GAS7: variants seen among roughly 807,000 people sequenced by gnomAD.
GAS7 encodes the protein growth arrest specific 7.
A neutral mutation model predicts 71.1 loss-of-function variants in GAS7; 28 were observed. That is an observed-to-expected ratio of 0.39 (90% CI 0.29 to 0.54). The LOEUF is 0.54. Ranked by LOEUF, GAS7 falls within the 20% of genes least tolerant of loss-of-function variation. GAS7 has a pLI of 0.62. For missense variants in GAS7, 436 were observed against 627.8 expected (o/e 0.69, Z 3.27); for synonymous variants, 258 against 245.8 (o/e 1.05, Z -0.46).
chr17:10,108,559 C>T (rs7222434), intron 1 of GAS7, among the ~76,000 whole-genome samples: 2 of 152,020 alleles, frequency 1.3e-5, no homozygotes, highest in Non-Finnish European at 2.9e-5. Flanking sequence ...GAGGATCTGT[C>T]TTTGTATTTA....
chr17:10,049,949 C>CT (rs1567569130), intron 1 of GAS7, among the ~76,000 whole-genome samples: 3 of 152,140 alleles, frequency 2.0e-5, no homozygotes, highest in Non-Finnish European at 4.4e-5. Context: ...AGCAAATCAT[C>CT]ATATACAATC....
intron 1 of GAS7, among the ~76,000 whole-genome samples, chr17:10,188,010 G>A (rs536390545): frequency 3.9e-5 from 6 of 152,202 alleles, no homozygotes; most frequent in South Asian, 2.1e-4. Context: ...TTGGGAGGCC[G>A]AGGCAGGTGG....
rs569658885 is a variant in GAS7 at position 9,929,045 on chromosome 17, G to A, written c.886-2276C>T. Among the ~76,000 whole-genome samples the A allele has an allele frequency of 7.4e-4, 113 of 152,254 alleles. 1 individual carries two copies. Among genetic ancestry groups the A allele is most frequent in the African/African-American group, 2.7e-3 (111 of 41,548 alleles). The stretch of plus-strand genomic sequence containing the variant: ...CCTGTATAGGAAAACATCCCCACCT[G>A]GCGGCAGTTTGCAGGATGCTACAAA... On this transcript the variant is annotated intron_variant, in intron 9 of 13. Coordinates refer to ENST00000432992, the MANE Select transcript of GAS7 (RefSeq NM_201433.2).
At chr17:10,168,248 C>CA (rs911692250) in intron 1 of GAS7, among the ~76,000 whole-genome samples, 126 of 147,238 alleles carry the variant, frequency 8.6e-4, no homozygotes, top group Middle Eastern at 3.4e-3. Flanking sequence ...TATGTGCTAA[C>CA]AAAAAAAAAT....
rs61511037 is a variant in GAS7 at position 9,994,375 on chromosome 17, C to T, written c.305-12491G>A. 8.4e-3 allele frequency among the ~76,000 whole-genome samples: 1,205 copies of T among 143,660 alleles called. 26 individuals carry two copies. Among genetic ancestry groups the T allele is most frequent in the African/African-American group, 0.029 (1,116 of 38,036 alleles). 94.2% of individuals were successfully genotyped at this position (143,660 alleles called of 152,430 possible). A position where few individuals can be genotyped will look rare whatever the true frequency, so the allele number is the denominator to read the frequency against. On this transcript the variant is annotated intron_variant, in intron 2 of 13. Transcript: ENST00000432992. ...AGAACAGAGCCCTCAGAAATAACGC[C>T]GCATATCTACAACTACCTGATCTTT...
intron 1 of GAS7, among the ~76,000 whole-genome samples, chr17:10,025,224 A>G (rs989600008): frequency 1.6e-4 from 25 of 151,866 alleles, no homozygotes; most frequent in Non-Finnish European, 7.4e-5. Context: ...GCAATGGAGC[A>G]AGACCCCATC....
At chr17:9,962,861 C>T (rs4791918) in intron 4 of GAS7, among the ~76,000 whole-genome samples, 18,490 of 151,970 alleles carry the variant, frequency 0.12, 3,104 homozygotes, top group African/African-American at 0.37. Flanking sequence ...AGTAGGGTGC[C>T]AACCTGGGTG....
intron 4 of GAS7, among the ~76,000 whole-genome samples, chr17:9,966,473 C>G (rs140855613): frequency 6.6e-6 from 1 of 152,250 alleles, no homozygotes; most frequent in Non-Finnish European, 1.5e-5. Context: ...CTCAAGTGTT[C>G]CTTTGCTCAT....
At chr17:10,049,951 T>G (rs537850089) in intron 1 of GAS7, among the ~76,000 whole-genome samples, 2 of 152,304 alleles carry the variant, frequency 1.3e-5, no homozygotes, top group South Asian at 4.1e-4. Context: ...CAAATCATCA[T>G]ATACAATCCT....
Position 10,136,649 on chromosome 17 carries a change from A to G in GAS7, c.183+61559T>C, listed in dbSNP as rs568402283. On this transcript the variant is annotated intron_variant, in intron 1 of 13. Coordinates refer to ENST00000432992, the MANE Select transcript of GAS7 (RefSeq NM_201433.2). ...CCCTCGCATCTGTCCGTCTGCCTCA[A>G]TTTAAAACCAGCTTCAACCTATTCT... is the stretch of plus-strand genomic sequence containing the variant. Among the ~76,000 whole-genome samples, 5 of 152,242 alleles carry G rather than the reference A, an allele frequency of 3.3e-5. No homozygotes were observed. The East Asian group carries it at 7.7e-4, about 24-fold the overall frequency.
rs552148181 is a variant in GAS7 at position 9,985,832 on chromosome 17, G to A, written c.305-3948C>T. Reference sequence around the variant, plus strand: ...CTCCCAGCTCAGAGCTCCCCACGGCGCTGCCGAGGCCTCCTTGGTGGCCGC... The same window carrying A: ...CTCCCAGCTCAGAGCTCCCCACGGCACTGCCGAGGCCTCCTTGGTGGCCGC... On this transcript the variant is annotated intron_variant, in intron 2 of 13. Coordinates refer to ENST00000432992, the MANE Select transcript of GAS7 (RefSeq NM_201433.2). Among the ~76,000 whole-genome samples the A allele has an allele frequency of 4.1e-4, 63 of 152,324 alleles. 1 individual carries two copies. The South Asian group carries it at 0.012, about 30-fold the overall frequency.
intron 6 of GAS7, among the ~76,000 whole-genome samples, chr17:9,946,141 G>A (rs2068777925): frequency 6.6e-6 from 1 of 152,150 alleles, no homozygotes. Context: ...ATTCCAGAAA[G>A]GGGTGATCTA....
chr17:9,953,772 A>C (rs771721938), intron 5 of GAS7, among the ~76,000 whole-genome samples: 10 of 152,198 alleles, frequency 6.6e-5, no homozygotes, highest in African/African-American at 2.2e-4. Context: ...TGGTTTATTT[A>C]ATGTTTCTCC....
intron 1 of GAS7, among the ~76,000 whole-genome samples, chr17:10,071,768 A>G (rs1294881263): frequency 2.0e-5 from 3 of 151,388 alleles, no homozygotes; most frequent in Admixed American, 1.3e-4. Context: ...AATAATAATA[A>G]TAATAATAAT....
At chr17:9,921,852 G>A (rs564739686) in intron 11 of GAS7, among the ~76,000 whole-genome samples, 23 of 151,806 alleles carry the variant, frequency 1.5e-4, no homozygotes, top group Non-Finnish European at 2.7e-4. Context: ...CCAGCTACTC[G>A]GGAGGCTGAG....
chr17:10,153,747 G>C (rs2074184791), intron 1 of GAS7, among the ~76,000 whole-genome samples: 1 of 152,096 alleles, frequency 6.6e-6, no homozygotes, highest in Non-Finnish European at 1.5e-5. Context: ...TGTACCAAAA[G>C]GTTTGAGCAA....
At chr17:10,082,518 G>A (rs1451669276) in intron 1 of GAS7, among the ~76,000 whole-genome samples, 3 of 152,204 alleles carry the variant, frequency 2.0e-5, no homozygotes, top group Non-Finnish European at 4.4e-5. Context: ...CAAGGAGGTA[G>A]AACAACAGAA....
At chr17:9,972,177 GC>G (rs1177449882) in intron 3 of GAS7, among the ~76,000 whole-genome samples, 2 of 152,218 alleles carry the variant, frequency 1.3e-5, no homozygotes, top group African/African-American at 4.8e-5. Flanking sequence ...CCAGCTACAA[GC>G]CTGGGCCACA....
chr17:10,000,059 C>T (rs1468553947), intron 2 of GAS7, among the ~76,000 whole-genome samples: 1 of 152,196 alleles, frequency 6.6e-6, no homozygotes, highest in East Asian at 1.9e-4. Context: ...AGCTGTTAGG[C>T]ACTGACTAAG....
Sources: gnomAD v4.1 joint callset for allele counts (sites outside exome capture counted in the v4.1 genomes callset) on GRCh38, gnomAD v4.1.1 for gene constraint, MANE v1.5 for transcripts, NCBI Gene and HGNC (gene_info 2026-07-23, HGNC 2026-07-21) for gene names.